MCPH1: variants seen among roughly 807,000 people sequenced by gnomAD.
MCPH1 encodes the protein microcephalin 1.
In MCPH1, 104 loss-of-function variants were observed where a neutral mutation model predicts 84.5. The observed-to-expected ratio is 1.23, with a 90% CI of 1.05 to 1.45. MCPH1 has a LOEUF of 1.45. Ranked by LOEUF, MCPH1 falls within the 40% of genes most tolerant of loss-of-function variation. MCPH1 has a pLI of 0.00. For missense variants in MCPH1, 1,498 were observed against 1,005.7 expected (o/e 1.49, Z -6.62); for synonymous variants, 514 against 366.8 (o/e 1.40, Z -4.58).
intron 3 of MCPH1, 30 bp downstream of exon 3, chr8:6,414,913 T>A (rs777347319): frequency 2.5e-6 from 4 of 1,609,720 alleles, no homozygotes; most frequent in Non-Finnish European, 3.4e-6. Flanking sequence ...CTTTTTTTCC[T>A]TAAGTATCTA....
At chr8:6,621,171 A>G (rs1027612149) in intron 12 of MCPH1, 6 of 468,200 alleles carry the variant, frequency 1.3e-5, no homozygotes, top group Admixed American at 3.4e-5. Flanking sequence ...TTGCTTTTCA[A>G]TATTTTGTTT....
chr8:6,604,002 C>CTT (rs11428333), intron 12 of MCPH1, among the ~76,000 whole-genome samples: 119 of 145,378 alleles, frequency 8.2e-4, no homozygotes, highest in East Asian at 1.8e-3. Flanking sequence ...TTCACTTTGA[C>CTT]TTTTTTTTTT....
At chr8:6,482,453 G>C (rs764219054) in intron 11 of MCPH1, among the ~76,000 whole-genome samples, 1 of 152,210 alleles carries the variant, frequency 6.6e-6, no homozygotes, top group African/African-American at 2.4e-5. Flanking sequence ...AATAACTCTA[G>C]CATCAGTGAA....
At chr8:6,500,183 G>C (rs1586139376) in intron 12 of MCPH1, 1 of 476,090 alleles carries the variant, frequency 2.1e-6, no homozygotes, top group East Asian at 4.0e-5. Flanking sequence ...TCAGAACTGA[G>C]AAAAACAAAA....
At chr8:6,460,174 C>T (rs945809659) in intron 9 of MCPH1, among the ~76,000 whole-genome samples, 13 of 151,976 alleles carry the variant, frequency 8.6e-5, no homozygotes, top group African/African-American at 2.2e-4. Context: ...AACGCAATCT[C>T]GTGTGCTATC....
chr8:6,631,303 G>T (rs908792492), intron 13 of MCPH1, among the ~76,000 whole-genome samples: 1 of 152,224 alleles, frequency 6.6e-6, no homozygotes, highest in South Asian at 2.1e-4. Context: ...CCACAGAGAG[G>T]CAATTAAGGT....
intron 12 of MCPH1, among the ~76,000 whole-genome samples, chr8:6,619,524 C>T (rs887074346): frequency 6.6e-6 from 1 of 152,114 alleles, no homozygotes; most frequent in African/African-American, 2.4e-5. Flanking sequence ...CTCCTGACCT[C>T]AAGTGATCCA....
At chr8:6,468,566 T>G in intron 9 of MCPH1, among the ~76,000 whole-genome samples, 1 of 152,170 alleles carries the variant, frequency 6.6e-6, no homozygotes, top group Non-Finnish European at 1.5e-5. Flanking sequence ...ATGAAACATC[T>G]TTTTAATTGA....
intron 1 of MCPH1, among the ~76,000 whole-genome samples, chr8:6,408,601 G>T (rs777074784): frequency 6.6e-6 from 1 of 150,456 alleles, no homozygotes. Flanking sequence ...GCAATGGTGC[G>T]ATCATAACTC....
chr8:6,509,149 C>T (rs1160700996), intron 12 of MCPH1: 3 of 1,523,222 alleles, frequency 2.0e-6, no homozygotes, highest in East Asian at 2.3e-5. Context: ...GAATTCCATT[C>T]TACAGAAGCG....
intron 2 of MCPH1, among the ~76,000 whole-genome samples, chr8:6,413,316 C>T (rs1014619020): frequency 1.3e-5 from 2 of 151,834 alleles, no homozygotes; most frequent in Non-Finnish European, 2.9e-5. Context: ...CTTGATTACC[C>T]ACTCTTTTAA....
intron 3 of MCPH1, among the ~76,000 whole-genome samples, chr8:6,431,102 T>A (rs1801772574): frequency 6.6e-6 from 1 of 152,228 alleles, no homozygotes; most frequent in Non-Finnish European, 1.5e-5. Context: ...AGATGTCCTC[T>A]GACTTCAATT....
chr8:6,435,733 T>C, intron 4 of MCPH1, among the ~76,000 whole-genome samples: 1 of 152,184 alleles, frequency 6.6e-6, no homozygotes, highest in African/African-American at 2.4e-5. Flanking sequence ...TGGGCTGGTT[T>C]GGTGGTAAGA....
chr8:6,571,943 G>T (rs371498873), intron 12 of MCPH1, among the ~76,000 whole-genome samples: 2 of 152,096 alleles, frequency 1.3e-5, no homozygotes, highest in Admixed American at 1.3e-4. Context: ...TCTGATGATG[G>T]TTCAAGTCTT....
chr8:6,562,717 T>C, intron 12 of MCPH1: 1 of 1,613,574 alleles, frequency 6.2e-7, no homozygotes, highest in Non-Finnish European at 8.5e-7. Context: ...CGAGTCATCG[T>C]ATTCGAGCGG....
intron 12 of MCPH1, among the ~76,000 whole-genome samples, chr8:6,517,324 C>T (rs1816453936): frequency 6.6e-6 from 1 of 152,164 alleles, no homozygotes; most frequent in Non-Finnish European, 1.5e-5. Flanking sequence ...TGCTTCAACT[C>T]TGAGGCAATG....
chr8:6,520,070 T>C, intron 12 of MCPH1: 1 of 1,537,370 alleles, frequency 6.5e-7, no homozygotes, highest in Admixed American at 1.8e-5. Flanking sequence ...GCCAATCATT[T>C]GGTGAGTTTT....
intron 4 of MCPH1, among the ~76,000 whole-genome samples, chr8:6,432,879 C>T (rs78107377): frequency 6.6e-6 from 1 of 152,188 alleles, no homozygotes; most frequent in African/African-American, 2.4e-5. Context: ...ATCAGTAGTA[C>T]ATACATATTT....
chr8:6,446,641 A>C, intron 8 of MCPH1: 1 of 982,068 alleles, frequency 1.0e-6, no homozygotes, highest in Non-Finnish European at 1.2e-6. Flanking sequence ...AGTTAATATA[A>C]AACAATAGAT....
Sources: gnomAD v4.1 joint callset for allele counts (sites outside exome capture counted in the v4.1 genomes callset) on GRCh38, gnomAD v4.1.1 for gene constraint, MANE v1.5 for transcripts, NCBI Gene and HGNC (gene_info 2026-07-23, HGNC 2026-07-21) for gene names.